Variants in LEPROTL1 observed in about 807,000 individuals in gnomAD.
LEPROTL1 encodes leptin receptor overlapping transcript like 1.
A neutral mutation model predicts 15.4 loss-of-function variants in LEPROTL1; 6 were observed. The ratio of observed to expected loss-of-function variants is 0.39; its 90% CI spans 0.21 to 0.77. The LOEUF is 0.77. Among genes scored for constraint, LEPROTL1 ranks in the 30% least tolerant of loss-of-function variants. LEPROTL1 has a pLI of 0.41. For synonymous variants in LEPROTL1, 56 were observed against 52.6 expected, an observed-to-expected ratio of 1.06 and a Z score of -0.28; for missense variants, 128 against 158.1, an observed-to-expected ratio of 0.81 and a Z score of 1.02.
chr8:30,131,843 T>G lies in LEPROTL1; in HGVS notation c.280-532T>G, dbSNP rs142276968. 2.9e-5 allele frequency: 41 copies of G among 1,405,828 alleles called. No homozygotes were observed. In the African/African-American group the frequency reaches 5.5e-4, roughly 19 times the overall value. The allele number at this position is 1,405,828 out of a possible 1,614,324, so 87.1% of individuals were successfully genotyped here. A position where few individuals can be genotyped will look rare whatever the true frequency, so the allele number is the denominator to read the frequency against. On this transcript the variant is annotated intron_variant, in intron 3 of 4. Transcript: ENST00000442880. ...TATCCATCCAAAACTTTAGAAAAAA[T>G]TTTATTATGGAAAAGTTCAAATGTA... is the stretch of plus-strand genomic sequence containing the variant.
chr8:30,118,021 T>TGG lies in LEPROTL1; in HGVS notation c.279+13535_279+13536insGG, dbSNP rs869268872. 6.0e-3 allele frequency among the ~76,000 whole-genome samples: 559 copies of TGG among 92,908 alleles called. 5 individuals are homozygous for TGG. Among genetic ancestry groups the TGG allele is most frequent in the East Asian group, 0.011 (37 of 3,404 alleles). The allele number at this position is 92,908 out of a possible 152,430, so 61.0% of individuals were successfully genotyped here. ...TCTGTATATATATTTTTTGATTTGT[T>TGG]TTTTTTTTTTTTTTTTTTTTTGAGA... On this transcript the variant is annotated intron_variant, in intron 3 of 4. Coordinates refer to the LEPROTL1 transcript ENST00000442880.
chr8:30,131,306 G>GTGTGTA (rs71206233), intron 3 of LEPROTL1, among the ~76,000 whole-genome samples: 59,480 of 140,948 alleles, frequency 0.42, 15,357 homozygotes, highest in Non-Finnish European at 0.59. Context: ...ATGTGTGTGT[G>GTGTGTA]TATATATATA....
At position 30,123,957 on chromosome 8, in the gene LEPROTL1, C is replaced by T. The variant is rs368194585; in HGVS notation, c.280-8418C>T. 4.3e-3 allele frequency among the ~76,000 whole-genome samples: 646 copies of T among 148,920 alleles called. 3 individuals are homozygous for T. Among genetic ancestry groups the T allele is most frequent in the Middle Eastern group, 0.028 (8 of 282 alleles). ...TTCTGGATAGAAGGACAAGCAATTT[C>T]AAAGGCTCAAAGGGAGGAATAGGCT... On this transcript the variant is annotated intron_variant, in intron 3 of 4. Transcript: ENST00000442880.
intron 3 of LEPROTL1, among the ~76,000 whole-genome samples, chr8:30,124,973 C>T (rs1802884528): frequency 6.6e-6 from 1 of 152,176 alleles, no homozygotes; most frequent in Non-Finnish European, 1.5e-5. Flanking sequence ...AAAACATCAC[C>T]TCACATGTCC....
intron 4 of LEPROTL1, chr8:30,132,832 C>T: frequency 6.4e-7 from 1 of 1,551,696 alleles, no homozygotes; most frequent in Non-Finnish European, 8.7e-7. Context: ...CTTCACTTTC[C>T]CCTCACAAAT....
At chr8:30,124,048 CA>C (rs1465935856) in intron 3 of LEPROTL1, among the ~76,000 whole-genome samples, 2 of 151,388 alleles carry the variant, frequency 1.3e-5, no homozygotes, top group Admixed American at 1.3e-4. Context: ...AAGAAACTAC[CA>C]AAACACAAAG....
At chr8:30,118,150 A>C (rs1387877528) in intron 3 of LEPROTL1, among the ~76,000 whole-genome samples, 1 of 150,040 alleles carries the variant, frequency 6.7e-6, no homozygotes, top group Non-Finnish European at 1.5e-5. Flanking sequence ...TCACATTCCT[A>C]AGTAGCTGGG....
At chr8:30,111,792 G>C (rs1202761647), downstream of LEPROTL1, among the ~76,000 whole-genome samples, 1 of 152,300 alleles carries the variant, frequency 6.6e-6, no homozygotes, top group East Asian at 1.9e-4. Flanking sequence ...GGTGGGTCTT[G>C]TGCCAGCCAG....
chr8:30,119,475 C>G (rs931682046), intron 3 of LEPROTL1, among the ~76,000 whole-genome samples: 1 of 152,112 alleles, frequency 6.6e-6, no homozygotes, highest in Non-Finnish European at 1.5e-5. Flanking sequence ...GCCACTGCAC[C>G]GTATCTAGTT....
At chr8:30,097,149 A>G (rs889840458) in intron 1 of LEPROTL1, among the ~76,000 whole-genome samples, 1 of 152,210 alleles carries the variant, frequency 6.6e-6, no homozygotes, top group Non-Finnish European at 1.5e-5. Flanking sequence ...GCATCACTCA[A>G]TTACTGTATG....
At chr8:30,122,588 C>T (rs1802845747) in intron 3 of LEPROTL1, among the ~76,000 whole-genome samples, 1 of 152,110 alleles carries the variant, frequency 6.6e-6, no homozygotes, top group African/African-American at 2.4e-5. Context: ...GTCAGGAGTT[C>T]AAAACCAGCC....
In LEPROTL1 at chr8:30,106,355, A is replaced by G. The variant is rs900332757; in HGVS notation, c.*493A>G. The G allele has an allele frequency of 1.8e-5, 18 of 986,312 alleles. No individual in the cohort carries two copies. Among genetic ancestry groups the G allele is most frequent in the South Asian group, 4.7e-5 (1 of 21,346 alleles). The allele number at this position is 986,312 out of a possible 1,614,324, so 61.1% of individuals were successfully genotyped here. On this transcript the variant is annotated 3_prime_UTR_variant, in exon 4 of 4. Coordinates refer to ENST00000321250, the MANE Select transcript of LEPROTL1 (RefSeq NM_015344.3). The stretch of plus-strand genomic sequence containing the variant: ...ACATCACTCCCAATGTTATGCAGAC[A>G]TACAGACGGTTGGCATACGTTATAG...
At chr8:30,121,234 TTTTG>T (rs1426428257) in intron 3 of LEPROTL1, among the ~76,000 whole-genome samples, 1 of 147,794 alleles carries the variant, frequency 6.8e-6, no homozygotes, top group African/African-American at 2.5e-5. Flanking sequence ...GTTTTTGGGG[TTTTG>T]TTTTTGTTTT....
chr8:30,133,213 G>A (rs1803066262), intron 4 of LEPROTL1, among the ~76,000 whole-genome samples: 1 of 152,008 alleles, frequency 6.6e-6, no homozygotes, highest in Non-Finnish European at 1.5e-5. Flanking sequence ...CACCGCCCCT[G>A]GCAATATTTA....
chr8:30,102,024 T>C (rs1388662606), intron 2 of LEPROTL1, 51 bp downstream of exon 2: 1 of 1,177,678 alleles, frequency 8.5e-7, no homozygotes, highest in Non-Finnish European at 1.2e-6. Flanking sequence ...ATTTTTCTAC[T>C]TTTAAAGCTT....
intron 4 of LEPROTL1, among the ~76,000 whole-genome samples, chr8:30,134,074 T>C (rs539386273): frequency 1.3e-5 from 2 of 152,320 alleles, no homozygotes; most frequent in African/African-American, 4.8e-5. Context: ...GAGCCTGTAC[T>C]CAAAGATAAT....
At chr8:30,105,457 C>A (rs1481414636) in intron 3 of LEPROTL1, among the ~76,000 whole-genome samples, 1 of 151,122 alleles carries the variant, frequency 6.6e-6, no homozygotes, top group African/African-American at 2.4e-5. Flanking sequence ...TCATGACTTT[C>A]TTTTTAAAGG....
chr8:30,097,698 T>TACACCC (rs1802394391), intron 1 of LEPROTL1, among the ~76,000 whole-genome samples: 1 of 108,796 alleles, frequency 9.2e-6, no homozygotes, highest in African/African-American at 3.6e-5. Context: ...TATATATATA[T>TACACCC]ACACACACAC....
At chr8:30,108,949 G>A (rs1348185350), downstream of LEPROTL1, among the ~76,000 whole-genome samples, 4 of 151,968 alleles carry the variant, frequency 2.6e-5, no homozygotes, top group Non-Finnish European at 4.4e-5. Context: ...ATTTTTTGTA[G>A]AGATGGGGTT....
Sources: gnomAD v4.1 joint callset for allele counts (sites outside exome capture counted in the v4.1 genomes callset) on GRCh38, gnomAD v4.1.1 for gene constraint, MANE v1.5 for transcripts, NCBI Gene and HGNC (gene_info 2026-07-23, HGNC 2026-07-21) for gene names.